Variants in THSD4 observed in about 807,000 individuals in gnomAD.
THSD4 encodes thrombospondin type 1 domain containing 4, also known as thrombospondin type-1 domain-containing protein 4.
Under a neutral mutation model 119.0 loss-of-function variants are expected in THSD4, and 69 were observed. The ratio of observed to expected loss-of-function variants is 0.58; its 90% CI spans 0.48 to 0.71. The LOEUF is 0.71. THSD4 is among the 30% of genes least tolerant of loss of function. THSD4 has a pLI of 0.00. For missense variants in THSD4, 1,393 were observed against 1,391.1 expected (o/e 1.00, Z -0.02); for synonymous variants, 524 against 540.4 (o/e 0.97, Z 0.42).
In THSD4 at chr15:71,332,892, A is replaced by ATTTTTTTTTTTTT; in HGVS notation, c.1015+76181_1015+76193dup. Among the ~76,000 whole-genome samples, 156 of 76,976 alleles carry ATTTTTTTTTTTTT rather than the reference A, an allele frequency of 2.0e-3. 18 individuals are homozygous for ATTTTTTTTTTTTT. The highest frequency in any genetic ancestry group is 3.4e-3 in the African/African-American group (84 of 24,936). The allele number at this position is 76,976 out of a possible 152,430, so 50.5% of individuals were successfully genotyped here. On this transcript the variant is annotated intron_variant, in intron 6 of 17. Transcript: ENST00000261862. ...TCTTAAAACATTGAGATTTTTTTACATTTTTTTTTTTTTTTTAGTTCATCA... is the reference window on the plus strand; with the variant it reads ...TCTTAAAACATTGAGATTTTTTTACATTTTTTTTTTTTTTTTTTTTTTTTTTTTTAGTTCATCA...
At chr15:71,426,275 G>T (rs933495955) in intron 7 of THSD4, among the ~76,000 whole-genome samples, 1 of 152,106 alleles carries the variant, frequency 6.6e-6, no homozygotes, top group Admixed American at 6.5e-5. Context: ...CAAGGTAACT[G>T]TTTCCAAATG....
chr15:71,545,656 C>T (rs1855554131), intron 7 of THSD4, among the ~76,000 whole-genome samples: 1 of 152,130 alleles, frequency 6.6e-6, no homozygotes, highest in Admixed American at 6.5e-5. Context: ...ATAACTTTGC[C>T]CCTTTAGTTA....
chr15:71,332,891 C>CTTTTTTTTTTTTTT lies in THSD4; in HGVS notation c.1015+76176_1015+76177insTTTTTTTTTTTTTT, dbSNP rs1184457820. Among the ~76,000 whole-genome samples, 199 of 38,014 alleles carry CTTTTTTTTTTTTTT rather than the reference C, an allele frequency of 5.2e-3. 24 individuals are homozygous for CTTTTTTTTTTTTTT. The highest frequency in any genetic ancestry group is 0.016 in the Admixed American group (36 of 2,282). The allele number at this position is 38,014 out of a possible 152,430, so 24.9% of individuals were successfully genotyped here. A position where few individuals can be genotyped will look rare whatever the true frequency, so the allele number is the denominator to read the frequency against. On this transcript the variant is annotated intron_variant, in intron 6 of 17. Coordinates refer to ENST00000261862, the MANE Select transcript of THSD4 (RefSeq NM_024817.3). ...TTCTTAAAACATTGAGATTTTTTTA[C>CTTTTTTTTTTTTTT]ATTTTTTTTTTTTTTTTAGTTCATC...
At chr15:71,704,753 C>T (rs2052362329) in intron 8 of THSD4, among the ~76,000 whole-genome samples, 2 of 152,336 alleles carry the variant, frequency 1.3e-5, no homozygotes, top group Middle Eastern at 3.4e-3. Flanking sequence ...CCCCTAGCTA[C>T]AATGATTTGT....
chr15:71,488,473 G>A (rs935965671), intron 7 of THSD4, among the ~76,000 whole-genome samples: 4 of 152,136 alleles, frequency 2.6e-5, no homozygotes, highest in African/African-American at 4.8e-5. Context: ...CTCTAGAATA[G>A]TTTAAATAAG....
chr15:71,731,242 G>C, intron 10 of THSD4, 25 bp downstream of exon 10: 1 of 1,605,670 alleles, frequency 6.2e-7, no homozygotes, highest in South Asian at 1.1e-5. Context: ...CTTGTGGCCG[G>C]GGACTCTGGT....
intron 1 of THSD4, among the ~76,000 whole-genome samples, chr15:71,119,599 C>T (rs2040392083): frequency 6.6e-6 from 1 of 152,194 alleles, no homozygotes; most frequent in African/African-American, 2.4e-5. Context: ...GCCCCCTCAG[C>T]TTACTCGAAG....
chr15:71,588,305 C>A (rs1204100573), intron 7 of THSD4, among the ~76,000 whole-genome samples: 9 of 108,698 alleles, frequency 8.3e-5, no homozygotes, highest in African/African-American at 1.9e-4. Flanking sequence ...GACTCCGTCT[C>A]AAAAAAAAAA....
At chr15:71,629,672 T>C (rs1431184465) in intron 7 of THSD4, among the ~76,000 whole-genome samples, 2 of 152,108 alleles carry the variant, frequency 1.3e-5, no homozygotes, top group African/African-American at 4.8e-5. Context: ...GTCTTCTACC[T>C]CCCCACACCC....
At chr15:71,492,669 T>G (rs2047939717) in intron 7 of THSD4, among the ~76,000 whole-genome samples, 1 of 152,060 alleles carries the variant, frequency 6.6e-6, no homozygotes, top group South Asian at 2.1e-4. Flanking sequence ...GAAGGAAGCT[T>G]CTAGAAAAGA....
chr15:71,687,773 C>G (rs28687107), intron 8 of THSD4, among the ~76,000 whole-genome samples: 29,789 of 144,290 alleles, frequency 0.21, 4,166 homozygotes, highest in African/African-American at 0.36. Context: ...AAAAAAAAAA[C>G]AAACCAGCAC....
upstream of THSD4, chr15:71,112,343 T>A: frequency 9.5e-7 from 1 of 1,051,714 alleles, no homozygotes; most frequent in Non-Finnish European, 1.3e-6. Flanking sequence ...AATTAATAAT[T>A]ATAATAGGAC....
In THSD4 at chr15:71,263,049, A is replaced by T. The variant is rs557557071; in HGVS notation, c.1015+6334A>T. On this transcript the variant is annotated intron_variant, in intron 6 of 17. Coordinates refer to ENST00000261862, the MANE Select transcript of THSD4 (RefSeq NM_024817.3). ...CGTGTCATGGGGGGTTGTTATACAG[A>T]TTATTTCATCACCCAGTTATTCAGC... Among the ~76,000 whole-genome samples the T allele has an allele frequency of 2.0e-5, 3 of 151,746 alleles. No homozygotes were observed. The East Asian group carries it at 5.8e-4, about 29-fold the overall frequency.
intron 8 of THSD4, among the ~76,000 whole-genome samples, chr15:71,725,797 G>A (rs552976422): frequency 1.3e-5 from 2 of 152,040 alleles, no homozygotes; most frequent in South Asian, 4.2e-4. Context: ...ACATTATATG[G>A]ACCACTTTTT....
At chr15:71,299,976 A>AATATATATATATATATATATATATATAT (rs1185451144) in intron 6 of THSD4, among the ~76,000 whole-genome samples, 2 of 48,308 alleles carry the variant, frequency 4.1e-5, no homozygotes, top group African/African-American at 1.5e-4. Flanking sequence ...AAAAAAAAAA[A>AATATATATATATATATATATATATATAT]ATATATATAT....
At chr15:71,340,372 A>G (rs2140387331) in intron 6 of THSD4, among the ~76,000 whole-genome samples, 1 of 152,322 alleles carries the variant, frequency 6.6e-6, no homozygotes, top group South Asian at 2.1e-4. Context: ...GGAACTCTGA[A>G]TGGGAGCTTA....
chr15:71,633,565 G>A (rs1303230775), intron 7 of THSD4, among the ~76,000 whole-genome samples: 1 of 152,194 alleles, frequency 6.6e-6, no homozygotes, highest in Non-Finnish European at 1.5e-5. Flanking sequence ...ATAAGCCACT[G>A]TGCCCTGCTG....
intron 8 of THSD4, among the ~76,000 whole-genome samples, chr15:71,692,888 C>G (rs79077576): frequency 6.6e-6 from 1 of 152,136 alleles, no homozygotes; most frequent in Non-Finnish European, 1.5e-5. Context: ...TTTAAAGAAA[C>G]GATTTACAAG....
At chr15:71,290,435 T>C (rs551460931) in intron 6 of THSD4, among the ~76,000 whole-genome samples, 8 of 148,282 alleles carry the variant, frequency 5.4e-5, no homozygotes, top group South Asian at 4.3e-4. Context: ...ATTTTTTTTT[T>C]CCCCTCTGTT....
Sources: allele counts gnomAD v4.1 joint callset (sites outside exome capture counted in the v4.1 genomes callset), GRCh38; gene constraint gnomAD v4.1.1; transcripts MANE v1.5; gene names NCBI Gene and HGNC (gene_info 2026-07-23, HGNC 2026-07-21).